NXPE2: variants seen among roughly 807,000 people sequenced by gnomAD.
The protein encoded by NXPE2 is neurexophilin and PC-esterase domain family member 2, also known as NXPE family member 2.
In NXPE2, 34 loss-of-function variants were observed where a neutral mutation model predicts 34.4. The observed-to-expected ratio is 0.99, with a 90% CI of 0.75 to 1.31. NXPE2 has a LOEUF of 1.31. Among genes scored for constraint, NXPE2 ranks in the 40% most tolerant of loss-of-function variants. The pLI is 0.00. For synonymous variants in NXPE2, 235 were observed against 231.3 expected (o/e 1.02, Z -0.15); for missense variants, 649 against 672.5 (o/e 0.97, Z 0.39).
At chr11:114,635,728 G>C in the NXPE2 span, among the ~76,000 whole-genome samples, 1 of 151,864 alleles carries the variant, frequency 6.6e-6, no homozygotes, top group Non-Finnish European at 1.5e-5. Flanking sequence ...ATAATCATGT[G>C]GTTTTTGTCT....
At chr11:114,594,793 A>G in the NXPE2 span, 1 of 1,190,684 alleles carries the variant, frequency 8.4e-7, no homozygotes, top group Non-Finnish European at 1.2e-6. Flanking sequence ...TACAAAAACA[A>G]GCACAAAAAC....
At chr11:114,729,870 G>C in the NXPE2 span, among the ~76,000 whole-genome samples, 1 of 152,148 alleles carries the variant, frequency 6.6e-6, no homozygotes, top group Non-Finnish European at 1.5e-5. Context: ...ATACTCTGTT[G>C]ACAGTTTCTT....
At chr11:114,488,656 C>T in the NXPE2 span, among the ~76,000 whole-genome samples, 1 of 152,084 alleles carries the variant, frequency 6.6e-6, no homozygotes, top group Non-Finnish European at 1.5e-5. Context: ...TTCTTTGAAA[C>T]CAATGAGAAC....
the NXPE2 span, among the ~76,000 whole-genome samples, chr11:114,578,254 T>G: frequency 6.6e-6 from 1 of 152,208 alleles, no homozygotes; most frequent in Non-Finnish European, 1.5e-5. Flanking sequence ...TTTTCTTCAC[T>G]CTGCTTCCAA....
At chr11:114,599,854 G>T in the NXPE2 span, among the ~76,000 whole-genome samples, 9 of 152,048 alleles carry the variant, frequency 5.9e-5, no homozygotes, top group African/African-American at 2.2e-4. Flanking sequence ...CAACACTGGG[G>T]ATTAGAATTC....
downstream of NXPE2, among the ~76,000 whole-genome samples, chr11:114,708,272 A>G (rs1951504784): frequency 6.6e-6 from 1 of 152,154 alleles, no homozygotes; most frequent in Non-Finnish European, 1.5e-5. Context: ...AGGCTCATTG[A>G]GAGAAAACAA....
At chr11:114,748,267 G>GTGTT in the NXPE2 span, among the ~76,000 whole-genome samples, 1 of 152,256 alleles carries the variant, frequency 6.6e-6, no homozygotes, top group South Asian at 2.1e-4. Flanking sequence ...AATTGCCTAT[G>GTGTT]TGTTGCTCCT....
the NXPE2 span, among the ~76,000 whole-genome samples, chr11:114,787,252 C>G: frequency 6.6e-6 from 1 of 152,200 alleles, no homozygotes; most frequent in Non-Finnish European, 1.5e-5. Context: ...TGCAAGGACA[C>G]CTTCCCACCC....
the NXPE2 span, among the ~76,000 whole-genome samples, chr11:114,555,458 C>T: frequency 6.6e-6 from 1 of 152,162 alleles, no homozygotes; most frequent in Non-Finnish European, 1.5e-5. Context: ...ATTTTCTGAC[C>T]TTGTGATCTG....
At chr11:114,632,642 TAATA>T in the NXPE2 span, among the ~76,000 whole-genome samples, 1 of 97,090 alleles carries the variant, frequency 1.0e-5, no homozygotes, top group Non-Finnish European at 1.8e-5. Flanking sequence ...TAAATGTAAA[TAATA>T]AATGTAAAAT....
intron 2 of NXPE2, among the ~76,000 whole-genome samples, chr11:114,693,875 C>G (rs1478896493): frequency 1.3e-5 from 2 of 152,200 alleles, no homozygotes; most frequent in Non-Finnish European, 1.5e-5. Context: ...CAAATTACCA[C>G]AAATTTAGTG....
At chr11:114,806,415 C>T in the NXPE2 span, among the ~76,000 whole-genome samples, 2 of 144,988 alleles carry the variant, frequency 1.4e-5, no homozygotes, top group African/African-American at 5.1e-5. Flanking sequence ...GAAGGAAATT[C>T]GAACCAATGG....
chr11:114,710,976 A>C (rs1191203760), downstream of NXPE2, among the ~76,000 whole-genome samples: 1 of 152,206 alleles, frequency 6.6e-6, no homozygotes, highest in East Asian at 1.9e-4. Flanking sequence ...ACATTAACAA[A>C]ATAAGGAACA....
the NXPE2 span, among the ~76,000 whole-genome samples, chr11:114,733,486 C>A: frequency 6.6e-6 from 1 of 152,148 alleles, no homozygotes; most frequent in South Asian, 2.1e-4. Context: ...GGGAAGCAAT[C>A]CTGCTTCAGG....
At chr11:114,627,720 T>C in the NXPE2 span, among the ~76,000 whole-genome samples, 2,820 of 152,024 alleles carry the variant, frequency 0.019, 88 homozygotes, top group African/African-American at 0.064. Flanking sequence ...AAGACACAGA[T>C]TGGCAAATTG....
At chr11:114,650,074 GAAA>G in the NXPE2 span, among the ~76,000 whole-genome samples, 1 of 151,550 alleles carries the variant, frequency 6.6e-6, no homozygotes, top group Non-Finnish European at 1.5e-5. Flanking sequence ...CTAACAATGA[GAAA>G]AAAAATCCAG....
the NXPE2 span, among the ~76,000 whole-genome samples, chr11:114,465,356 T>G: frequency 4.6e-5 from 7 of 152,148 alleles, no homozygotes; most frequent in South Asian, 1.5e-3. Flanking sequence ...ATGGATGACT[T>G]TTACAGACAA....
intron 2 of NXPE2, among the ~76,000 whole-genome samples, chr11:114,690,709 G>A (rs180937733): frequency 1.3e-4 from 19 of 151,960 alleles, no homozygotes; most frequent in African/African-American, 1.9e-4. Flanking sequence ...CTCCCTTCTC[G>A]CTCAAAAATG....
the NXPE2 span, among the ~76,000 whole-genome samples, chr11:114,666,647 G>GT: frequency 3.3e-5 from 5 of 151,906 alleles, no homozygotes; most frequent in African/African-American, 1.2e-4. Flanking sequence ...TAGTACTTTG[G>GT]TTTTTTTATC....
Sources: allele counts gnomAD v4.1 joint callset (sites outside exome capture counted in the v4.1 genomes callset), GRCh38; gene constraint gnomAD v4.1.1; transcripts MANE v1.5; gene names NCBI Gene and HGNC (gene_info 2026-07-23, HGNC 2026-07-21).